LRRC40: variants seen among roughly 807,000 people sequenced by gnomAD.
The protein encoded by LRRC40 is leucine-rich repeat-containing protein 40.
Under a neutral mutation model 72.8 loss-of-function variants are expected in LRRC40, and 76 were observed. The ratio of observed to expected loss-of-function variants is 1.04; its 90% confidence interval spans 0.87 to 1.26. The LOEUF (loss-of-function observed/expected upper bound fraction) is 1.26, where lower values mean the gene tolerates loss of function less well. Ranked by LOEUF, LRRC40 falls within the 50% of genes most tolerant of loss-of-function variation. The pLI is 0.00. For synonymous variants in LRRC40, 243 were observed against 254.2 expected, an observed-to-expected ratio of 0.96 and a Z score of 0.42; for missense variants, 684 against 698.9, an observed-to-expected ratio of 0.98 and a Z score of 0.24.
intron 4 of LRRC40, among the ~76,000 whole-genome samples, chr1:70,181,840 T>C (rs1668253615): frequency 6.6e-6 from 1 of 152,098 alleles, no homozygotes; most frequent in African/African-American, 2.4e-5. Context: ...TTATGTTTGC[T>C]TTTTCTTTAA....
Position 70,152,448 on chromosome 1 carries a change from G to A in LRRC40, c.1424C>T (p.Thr475Ile), listed in dbSNP as rs773401722. The part of the protein sequence containing the change: ...SLELCVLQKL[T>I]FLDLRNNFLN... ...CAATAAATACCTGAGATCTAAAAAA[G>A]TCAATTTCTGAAGCACACATAACTC... Residue 475 changes from threonine to isoleucine, a missense_variant, in exon 12 of 15, where the codon ACT (threonine) becomes ATT (isoleucine). Thr to Ile is a moderately conservative substitution (Grantham distance 89). Transcript: ENST00000370952. 1.3e-6 allele frequency: 2 copies of A among 1,569,006 alleles called. No individual in the cohort carries two copies. The highest frequency in any genetic ancestry group is 1.8e-6 in the Non-Finnish European group (2 of 1,141,718).
chr1:70,148,355 T>C (rs917024243), intron 14 of LRRC40, 132 bp downstream of exon 14: 6 of 746,308 alleles, frequency 8.0e-6, no homozygotes, highest in Admixed American at 7.7e-5. Context: ...CTGGGTTTTG[T>C]TACTTGTTAT....
chr1:70,167,426 G>A (rs1158223700), intron 9 of LRRC40, among the ~76,000 whole-genome samples: 1 of 151,730 alleles, frequency 6.6e-6, no homozygotes, highest in African/African-American at 2.4e-5. Flanking sequence ...AGCTGGGCAT[G>A]GTGGCAGGTG....
chr1:70,204,614 T>C (rs1668859365), intron 1 of LRRC40, among the ~76,000 whole-genome samples: 1 of 152,056 alleles, frequency 6.6e-6, no homozygotes, highest in Non-Finnish European at 1.5e-5. Context: ...AAGAAAGCAA[T>C]CATTAGAAGG....
chr1:70,159,433 C>A lies in LRRC40; in HGVS notation c.1117G>T (p.Gly373Ter), dbSNP rs1266584322. Reference protein sequence around the residue: ...KYLRSKIKDDGPSQSESATET... With the variant: ...KYLRSKIKDD ...GTAGCAGACTCACTTTGGCTAGGTC[C>A]ATCATCTGGCAAAAGAAAACTTATA... Residue 373 changes from glycine (G) to a stop codon, truncating the protein, a stop_gained, in exon 10 of 15, where the codon GGA becomes TGA. Coordinates refer to ENST00000370952, the MANE Select transcript of LRRC40 (RefSeq NM_017768.5). LOFTEE classifies it high-confidence loss of function. 1 of 1,520,404 alleles carries A rather than the reference C, an allele frequency of 6.6e-7. No individual in the cohort carries two copies. 94.2% of individuals were successfully genotyped at this position (1,520,404 alleles called of 1,614,324 possible).
chr1:70,162,825 C>G (rs549715079), intron 9 of LRRC40, among the ~76,000 whole-genome samples: 5 of 152,202 alleles, frequency 3.3e-5, no homozygotes, highest in African/African-American at 1.2e-4. Flanking sequence ...AAAGACTATT[C>G]CTTAGTACAA....
intron 9 of LRRC40, among the ~76,000 whole-genome samples, chr1:70,170,063 C>A (rs1667968279): frequency 6.6e-6 from 1 of 152,112 alleles, no homozygotes; most frequent in African/African-American, 2.4e-5. Context: ...TACACCATTA[C>A]TAAGTGGGAT....
At chr1:70,187,359 A>C (rs1286186013) in intron 2 of LRRC40, 21 bp from the exon 3 acceptor site, 1 of 1,204,404 alleles carries the variant, frequency 8.3e-7, no homozygotes, top group Admixed American at 1.8e-5. Flanking sequence ...TTAAAAGACA[A>C]AGTCAATATT....
At chr1:70,192,477 A>T (rs1019563007) in intron 1 of LRRC40, among the ~76,000 whole-genome samples, 12 of 152,152 alleles carry the variant, frequency 7.9e-5, no homozygotes, top group African/African-American at 2.9e-4. Flanking sequence ...CATACCCAAA[A>T]GAATATAAGT....
chr1:70,205,273 A>C (rs1668909800), intron 1 of LRRC40, 117 bp downstream of exon 1: 1 of 1,003,506 alleles, frequency 1.0e-6, no homozygotes, highest in Non-Finnish European at 1.4e-6. Flanking sequence ...TAGAGCACAG[A>C]AATTCTGGCT....
chr1:70,175,548 CTCTAGTAAG>C (rs1205012436), intron 7 of LRRC40, among the ~76,000 whole-genome samples: 11 of 152,094 alleles, frequency 7.2e-5, no homozygotes. Flanking sequence ...CTAAATTTTA[CTCTAGTAAG>C]AGTAATAATA....
chr1:70,203,776 C>T (rs1349174684), intron 1 of LRRC40, among the ~76,000 whole-genome samples: 2 of 152,112 alleles, frequency 1.3e-5, no homozygotes. Flanking sequence ...GAAGCACGAC[C>T]CCGTAACGAA....
chr1:70,196,737 T>C (rs566128173), intron 1 of LRRC40, among the ~76,000 whole-genome samples: 13 of 152,300 alleles, frequency 8.5e-5, no homozygotes, highest in East Asian at 1.9e-4. Flanking sequence ...GTGGAGCCAA[T>C]AGCAGGATTG....
rs947173342 is a variant in LRRC40 at position 70,145,306 on chromosome 1, C to G, written c.*494G>C. 6.6e-6 allele frequency: 1 copy of G among 151,804 alleles called. No individual in the cohort carries two copies. The highest frequency in any genetic ancestry group is 1.5e-5 in the Non-Finnish European group (1 of 67,934). The allele number at this position is 151,804 out of a possible 1,614,324, so 9.4% of individuals were successfully genotyped here. A position where few individuals can be genotyped will look rare whatever the true frequency, so the allele number is the denominator to read the frequency against. On this transcript the variant is annotated 3_prime_UTR_variant, in exon 15 of 15. Coordinates refer to ENST00000370952, the MANE Select transcript of LRRC40 (RefSeq NM_017768.5). Reference sequence around the variant, plus strand: ...TTAAATGCCAAAGAACAGTATTCAACAAAATTCGATTTAATTTTATATCTA... The same window carrying G: ...TTAAATGCCAAAGAACAGTATTCAAGAAAATTCGATTTAATTTTATATCTA...
At chr1:70,156,191 C>A (rs1046577041) in intron 10 of LRRC40, among the ~76,000 whole-genome samples, 1 of 152,070 alleles carries the variant, frequency 6.6e-6, no homozygotes, top group African/African-American at 2.4e-5. Flanking sequence ...GAGGAGTTTT[C>A]TGTCAAATTT....
At chr1:70,190,695 A>AAAAAAAAC in intron 1 of LRRC40, among the ~76,000 whole-genome samples, 1 of 148,128 alleles carries the variant, frequency 6.8e-6, no homozygotes, top group Non-Finnish European at 1.5e-5. Context: ...AAAAAAAAAA[A>AAAAAAAAC]ACTTAAAAAA....
intron 11 of LRRC40, among the ~76,000 whole-genome samples, chr1:70,154,985 T>C (rs1199098529): frequency 6.6e-6 from 1 of 152,174 alleles, no homozygotes; most frequent in Admixed American, 6.5e-5. Context: ...ATCAGTACCC[T>C]ATCCTGTCTC....
intron 7 of LRRC40, among the ~76,000 whole-genome samples, chr1:70,174,214 T>A (rs1402718294): frequency 6.6e-6 from 1 of 152,044 alleles, no homozygotes; most frequent in Non-Finnish European, 1.5e-5. Context: ...TCAATATCAA[T>A]AAAATCTATT....
intron 2 of LRRC40, among the ~76,000 whole-genome samples, chr1:70,187,943 A>G (rs922901887): frequency 1.3e-5 from 2 of 150,936 alleles, no homozygotes; most frequent in African/African-American, 4.9e-5. Flanking sequence ...ACTAAGAAAA[A>G]TTTCAACTCA....
Sources: gnomAD v4.1 joint callset for allele counts (sites outside exome capture counted in the v4.1 genomes callset) on GRCh38, gnomAD v4.1.1 for gene constraint, MANE v1.5 for transcripts, NCBI Gene and HGNC (gene_info 2026-07-23, HGNC 2026-07-21) for gene names.